Variants in XRRA1 observed in about 807,000 individuals in gnomAD.
XRRA1 encodes X-ray radiation resistance associated 1.
A neutral mutation model predicts 80.2 loss-of-function variants in XRRA1; 69 were observed. That is an observed-to-expected ratio of 0.86 (90% CI 0.71 to 1.05). XRRA1 has a LOEUF of 1.05. Among genes scored for constraint, XRRA1 ranks in the 50% least tolerant of loss-of-function variants. The pLI is 0.00. For synonymous variants in XRRA1, 348 were observed against 389.9 expected, an observed-to-expected ratio of 0.89 and a Z score of 1.27; for missense variants, 967 against 976.4, an observed-to-expected ratio of 0.99 and a Z score of 0.13.
At chr11:74,933,939 A>C in intron 4 of XRRA1, 67 bp from the exon 5 acceptor site, 1 of 1,405,622 alleles carries the variant, frequency 7.1e-7, no homozygotes, top group East Asian at 2.5e-5. Context: ...ATTACCACTC[A>C]GCCTTCTCTT....
chr11:74,894,511 A>G (rs757430639), intron 10 of XRRA1, among the ~76,000 whole-genome samples: 2 of 152,208 alleles, frequency 1.3e-5, no homozygotes, highest in Non-Finnish European at 2.9e-5. Flanking sequence ...GAAACTTACA[A>G]TCATGGCAGA....
intron 10 of XRRA1, chr11:74,863,258 C>T: frequency 1.9e-6 from 1 of 538,668 alleles, no homozygotes; most frequent in East Asian, 3.2e-5. Context: ...CTCTGATGTC[C>T]TGCATGATTG....
chr11:74,888,661 A>T (rs544881785), intron 10 of XRRA1, among the ~76,000 whole-genome samples: 1 of 152,332 alleles, frequency 6.6e-6, no homozygotes, highest in African/African-American at 2.4e-5. Flanking sequence ...AAGAAGTTAA[A>T]AACCTTGAAA....
At chr11:74,948,351 C>T (rs187632685) in intron 1 of XRRA1, among the ~76,000 whole-genome samples, 37 of 145,750 alleles carry the variant, frequency 2.5e-4, no homozygotes, top group African/African-American at 9.4e-4. Context: ...TAAAATACAA[C>T]GTAATAGAGC....
chr11:74,887,171 A>G (rs886655049), intron 10 of XRRA1, among the ~76,000 whole-genome samples: 11 of 152,248 alleles, frequency 7.2e-5, no homozygotes, highest in African/African-American at 1.4e-4. Flanking sequence ...CAAAGAGTCC[A>G]TGACAAAGAT....
intron 10 of XRRA1, among the ~76,000 whole-genome samples, chr11:74,883,885 C>G (rs1284327447): frequency 2.0e-5 from 3 of 152,192 alleles, no homozygotes; most frequent in African/African-American, 4.8e-5. Flanking sequence ...TCCCTTTTAA[C>G]AAAACGCAGT....
Position 74,937,067 on chromosome 11 carries a change from G to A in XRRA1, c.96C>T (p.Gly32=), listed in dbSNP as rs1385686170. 1 of 1,611,896 alleles carries A rather than the reference G, an allele frequency of 6.2e-7. No homozygotes were observed. Among genetic ancestry groups the A allele is most frequent in the Admixed American group, 1.7e-5 (1 of 59,598 alleles). ...TCTGAACCACTAACCAGTGTCCTTG[G>A]CCTGTTGAGAAAATTAGAACAGTGA... is the stretch of plus-strand genomic sequence containing the variant. ...ARNLLRVPEE[G]QGHWLVVQKG... Residue 32 remains glycine, a splice_region_variant and synonymous_variant, in exon 4 of 19, where the codon GGC becomes GGT. Transcript: ENST00000684022.
intron 5 of XRRA1, among the ~76,000 whole-genome samples, chr11:74,931,160 T>C (rs1161044016): frequency 1.5e-5 from 2 of 137,292 alleles, no homozygotes; most frequent in African/African-American, 2.6e-5. Context: ...GTATCAACTA[T>C]ATATAATGCT....
At chr11:74,931,437 G>A (rs1165961032) in intron 5 of XRRA1, among the ~76,000 whole-genome samples, 2 of 151,354 alleles carry the variant, frequency 1.3e-5, no homozygotes, top group Non-Finnish European at 2.9e-5. Context: ...TGATTCTCCT[G>A]CCTCAGCCTC....
intron 10 of XRRA1, among the ~76,000 whole-genome samples, chr11:74,904,137 T>A (rs1233263916): frequency 1.3e-5 from 2 of 152,190 alleles, no homozygotes; most frequent in African/African-American, 4.8e-5. Context: ...TATATAATTT[T>A]AAAAATTAAA....
At chr11:74,921,001 G>C (rs1334575416) in intron 8 of XRRA1, among the ~76,000 whole-genome samples, 2 of 152,156 alleles carry the variant, frequency 1.3e-5, no homozygotes, top group Non-Finnish European at 2.9e-5. Context: ...CAGAGGCAGG[G>C]AAAGTGGCTT....
chr11:74,896,156 A>G (rs1037796645), intron 10 of XRRA1, among the ~76,000 whole-genome samples: 2 of 152,270 alleles, frequency 1.3e-5, no homozygotes, highest in Admixed American at 1.3e-4. Context: ...GAAAAGTAAA[A>G]GAGAGTTTGT....
At chr11:74,937,616 A>G (rs1945307012) in intron 3 of XRRA1, among the ~76,000 whole-genome samples, 1 of 151,986 alleles carries the variant, frequency 6.6e-6, no homozygotes. Context: ...AAAAAAAAAA[A>G]CCTAATAATA....
At chr11:74,931,213 T>C (rs1943483943) in intron 5 of XRRA1, among the ~76,000 whole-genome samples, 1 of 152,202 alleles carries the variant, frequency 6.6e-6, no homozygotes, top group Admixed American at 6.5e-5. Context: ...AACAATATTT[T>C]AGGTATCATT....
chr11:74,906,950 G>T, intron 9 of XRRA1, 195 bp downstream of exon 9: 1 of 629,406 alleles, frequency 1.6e-6, no homozygotes, highest in Non-Finnish European at 2.7e-6. Context: ...GATCAGAAAT[G>T]TCCTCACTCA....
intron 3 of XRRA1, among the ~76,000 whole-genome samples, chr11:74,939,830 TGA>T (rs1373516080): frequency 7.1e-6 from 1 of 140,274 alleles, no homozygotes; most frequent in African/African-American, 2.6e-5. Flanking sequence ...TGTCTGTGTG[TGA>T]GAGAGTGACA....
intron 15 of XRRA1, among the ~76,000 whole-genome samples, chr11:74,846,991 A>T (rs1338787881): frequency 6.6e-6 from 1 of 152,066 alleles, no homozygotes; most frequent in East Asian, 1.9e-4. Context: ...GGAGCTCAGA[A>T]CTGCATTTTG....
At chr11:74,844,037 G>T in intron 17 of XRRA1, 78 bp from the exon 18 acceptor site, 2 of 1,487,580 alleles carry the variant, frequency 1.3e-6, no homozygotes, top group Non-Finnish European at 1.9e-6. Context: ...TACAGTCACA[G>T]CAACAGGCTG....
chr11:74,889,261 A>G (rs1222995822), intron 10 of XRRA1, among the ~76,000 whole-genome samples: 1 of 152,162 alleles, frequency 6.6e-6, no homozygotes, highest in Non-Finnish European at 1.5e-5. Flanking sequence ...AACATTCTTA[A>G]AGAAAAGAAT....
Sources: gnomAD v4.1 joint callset for allele counts (sites outside exome capture counted in the v4.1 genomes callset) on GRCh38, gnomAD v4.1.1 for gene constraint, MANE v1.5 for transcripts, NCBI Gene and HGNC (gene_info 2026-07-23, HGNC 2026-07-21) for gene names.